HIF1AN: variants seen among roughly 807,000 people sequenced by gnomAD.
HIF1AN encodes hypoxia inducible factor 1 subunit alpha inhibitor.
Under a neutral mutation model 47.7 loss-of-function variants are expected in HIF1AN, and 21 were observed. The ratio of observed to expected loss-of-function variants is 0.44; its 90% CI spans 0.31 to 0.63. HIF1AN has a LOEUF of 0.63. HIF1AN is among the 30% of genes least tolerant of loss of function. The pLI, the probability that HIF1AN is intolerant of heterozygous loss-of-function variation, is 0.07. For missense variants in HIF1AN, 320 were observed against 432.7 expected (o/e 0.74, Z 2.31); for synonymous variants, 152 against 155.9 (o/e 0.98, Z 0.18).
intron 7 of HIF1AN, among the ~76,000 whole-genome samples, chr10:100,547,752 A>T (rs1843107770): frequency 6.6e-6 from 1 of 152,162 alleles, no homozygotes; most frequent in East Asian, 1.9e-4. Context: ...TTTTTTGAGG[A>T]TATGGAGGCA....
chr10:100,554,251 G>A lies in HIF1AN; in HGVS notation c.*6114G>A, dbSNP rs1843194790. 1 of 152,176 alleles carries A rather than the reference G, an allele frequency of 6.6e-6. No homozygotes were observed. Among genetic ancestry groups the A allele is most frequent in the African/African-American group, 2.4e-5 (1 of 41,424 alleles). 9.4% of individuals were successfully genotyped at this position (152,176 alleles called of 1,614,324 possible). On this transcript the variant is annotated 3_prime_UTR_variant, in exon 8 of 8. Transcript: ENST00000299163. ...ATGAGTCCTTATTATACCTGGAGAA[G>A]CTGTTGTCTCCTCACACCATGAAAT...
Position 100,548,502 on chromosome 10 carries a change from TC to T in HIF1AN, c.*368del, listed in dbSNP as rs1212442015. 1 of 191,660 alleles carries T rather than the reference TC, an allele frequency of 5.2e-6. No individual in the cohort carries two copies. The highest frequency in any genetic ancestry group is 5.5e-5 in the Admixed American group (1 of 18,060). The allele number at this position is 191,660 out of a possible 1,614,324, so 11.9% of individuals were successfully genotyped here. A position where few individuals can be genotyped will look rare whatever the true frequency, so the allele number is the denominator to read the frequency against. On this transcript the variant is annotated 3_prime_UTR_variant, in exon 8 of 8. Coordinates refer to ENST00000299163, the MANE Select transcript of HIF1AN (RefSeq NM_017902.3). The stretch of plus-strand genomic sequence containing the variant: ...CATGCACACGCATGTATGTATCTGT[TC>T]CCTGTTCCTTCTGGGTCAGGCTGTC...
In HIF1AN at chr10:100,550,303, C is replaced by A. The variant is rs1161563975; in HGVS notation, c.*2166C>A. On this transcript the variant is annotated 3_prime_UTR_variant, in exon 8 of 8. Transcript: ENST00000299163. ...GATTGGCCTTGATCCTTGGGTAACA[C>A]AAGAGTGATTCCTGATTTTTAGACA... 6.6e-6 allele frequency: 1 copy of A among 152,196 alleles called. No homozygotes were observed. The highest frequency in any genetic ancestry group is 1.5e-5 in the Non-Finnish European group (1 of 68,032). The allele number at this position is 152,196 out of a possible 1,614,324, so 9.4% of individuals were successfully genotyped here.
In HIF1AN at chr10:100,548,548, A is replaced by G. The variant is rs914862433; in HGVS notation, c.*411A>G. 2 of 163,898 alleles carry G rather than the reference A, an allele frequency of 1.2e-5. No homozygotes were observed. Among genetic ancestry groups the G allele is most frequent in the African/African-American group, 2.4e-5 (1 of 41,696 alleles). The allele number at this position is 163,898 out of a possible 1,614,324, so 10.2% of individuals were successfully genotyped here. On this transcript the variant is annotated 3_prime_UTR_variant, in exon 8 of 8. Coordinates refer to ENST00000299163, the MANE Select transcript of HIF1AN (RefSeq NM_017902.3). ...GCTGTCACTTCCGGCTCTCAGCCCT[A>G]TCTCCTGCAACCTCAGTGCCTCAGC...
chr10:100,536,525 C>T lies in HIF1AN; in HGVS notation c.292C>T (p.His98Tyr), dbSNP rs376069144. ...GDFSVYSAST[H>Y]KFLYYDEKKM... Reference sequence around the variant, plus strand: ...CTTCTCTGTGTACAGTGCCAGCACCCACAAGTTCTTGTACTATGATGAGAA... The same window carrying T: ...CTTCTCTGTGTACAGTGCCAGCACCTACAAGTTCTTGTACTATGATGAGAA... Residue 98 changes from histidine to tyrosine, a missense_variant, in exon 2 of 8, where the codon CAC becomes TAC. Physicochemically the swap from His to Tyr is moderately conservative, Grantham distance 83. Coordinates refer to ENST00000299163, the MANE Select transcript of HIF1AN (RefSeq NM_017902.3). 6.8e-6 allele frequency: 11 copies of T among 1,614,040 alleles called. No homozygotes were observed. Among genetic ancestry groups the T allele is most frequent in the African/African-American group, 1.3e-5 (1 of 74,912 alleles).
At position 100,557,005 on chromosome 10, in the gene HIF1AN, A is replaced by G. The variant is rs1843219731; in HGVS notation, c.*8868A>G. 6.6e-6 allele frequency: 1 copy of G among 152,250 alleles called. No homozygotes were observed. Among genetic ancestry groups the G allele is most frequent in the Non-Finnish European group, 1.5e-5 (1 of 68,078 alleles). The allele number at this position is 152,250 out of a possible 1,614,324, so 9.4% of individuals were successfully genotyped here. Reference sequence around the variant, plus strand: ...TGCTTGAAGTGAAATCACAGAAGAGATGACTGGGGCAGGAAAAGCAAGATG... The same window carrying G: ...TGCTTGAAGTGAAATCACAGAAGAGGTGACTGGGGCAGGAAAAGCAAGATG... On this transcript the variant is annotated 3_prime_UTR_variant, in exon 8 of 8. Coordinates refer to ENST00000299163, the MANE Select transcript of HIF1AN (RefSeq NM_017902.3).
intron 7 of HIF1AN, among the ~76,000 whole-genome samples, chr10:100,547,590 C>T (rs1332010560): frequency 2.0e-5 from 3 of 152,144 alleles, no homozygotes; most frequent in Non-Finnish European, 2.9e-5. Context: ...TGTTGAGAGA[C>T]CTGCTTCCCA....
rs1843162887 is a variant in HIF1AN at position 100,551,759 on chromosome 10, T to C, written c.*3622T>C. 1 of 152,218 alleles carries C rather than the reference T, an allele frequency of 6.6e-6. No homozygotes were observed. Among genetic ancestry groups the C allele is most frequent in the African/African-American group, 2.4e-5 (1 of 41,450 alleles). 9.4% of individuals were successfully genotyped at this position (152,218 alleles called of 1,614,324 possible). A position where few individuals can be genotyped will look rare whatever the true frequency, so the allele number is the denominator to read the frequency against. On this transcript the variant is annotated 3_prime_UTR_variant, in exon 8 of 8. Transcript: ENST00000299163. The stretch of plus-strand genomic sequence containing the variant: ...GGGCGTGAGGAAAATCTGGTCCTTA[T>C]CAAATCCCAGGAGCTTCTGCTTAGT...
rs138318882 is a variant in HIF1AN at position 100,544,393 on chromosome 10, G to A, written c.578-558G>A. 7.2e-5 allele frequency among the ~76,000 whole-genome samples: 11 copies of A among 152,258 alleles called. 1 individual carries two copies. The highest frequency in any genetic ancestry group is 2.4e-4 in the African/African-American group (10 of 41,540). On this transcript the variant is annotated intron_variant, in intron 3 of 7. Coordinates refer to ENST00000299163, the MANE Select transcript of HIF1AN (RefSeq NM_017902.3). The stretch of plus-strand genomic sequence containing the variant: ...GAAGTTGGAGACCAGCCTGGGCAAC[G>A]TGGTGAAACCCCATCTCTTAAAAAA...
Position 100,549,065 on chromosome 10 carries a change from C to CGT in HIF1AN, c.*943_*944dup, listed in dbSNP as rs769196012. ...CTGGGTGTGTGTGTGTGTGTGCGTG[C>CGT]GTGTGTGTGTGTGTGTCCGTGTGTG... On this transcript the variant is annotated 3_prime_UTR_variant, in exon 8 of 8. Transcript: ENST00000299163. 663 of 108,466 alleles carry CGT rather than the reference C, an allele frequency of 6.1e-3. 2 individuals carry two copies. The highest frequency in any genetic ancestry group is 0.01 in the Non-Finnish European group (480 of 45,876). 6.7% of individuals were successfully genotyped at this position (108,466 alleles called of 1,614,324 possible).
Position 100,536,003 on chromosome 10 carries a change from G to A in HIF1AN, c.45G>A (p.Glu15=). ...AGGCTGTGGCCTCTGGCTCTGGAGA[G>A]CCCCGGGAGGAGGCTGGAGCCCTCG... ...AAEAVASGSG[E]PREEAGALGP... Residue 15 remains glutamate (E), a synonymous_variant, in exon 1 of 8, where the codon GAG becomes GAA. Coordinates refer to ENST00000299163, the MANE Select transcript of HIF1AN (RefSeq NM_017902.3). 1.3e-6 allele frequency: 2 copies of A among 1,569,824 alleles called. No individual in the cohort carries two copies. The highest frequency in any genetic ancestry group is 1.4e-5 in the African/African-American group (1 of 73,752).
At chr10:100,545,901 T>G in intron 4 of HIF1AN, 42 bp from the exon 5 acceptor site, 1 of 1,335,720 alleles carries the variant, frequency 7.5e-7, no homozygotes, top group Non-Finnish European at 1.1e-6. Flanking sequence ...CTGGTGAAGA[T>G]TTGGTGATTG....
At position 100,542,857 on chromosome 10, in the gene HIF1AN, T is replaced by TG. The variant is rs1370301335; in HGVS notation, c.577+2075_577+2076insG. Among the ~76,000 whole-genome samples the TG allele has an allele frequency of 3.0e-4, 44 of 149,038 alleles. 1 individual carries two copies. Among genetic ancestry groups the TG allele is most frequent in the Admixed American group, 1.0e-3 (15 of 14,976 alleles). The stretch of plus-strand genomic sequence containing the variant: ...AAATATGTGAATGTGTTTTTTTTTT[T>TG]TTTTTTTTTTTTCTTTTGAATGAAA... On this transcript the variant is annotated intron_variant, in intron 3 of 7. Transcript: ENST00000299163.
chr10:100,540,897 C>T lies in HIF1AN; in HGVS notation c.577+115C>T. On this transcript the variant is annotated intron_variant, in intron 3 of 7. Coordinates refer to ENST00000299163, the MANE Select transcript of HIF1AN (RefSeq NM_017902.3). ...GAACAAGCCACTTCACTTTCTTAAG[C>T]CTCAGCCTACTCAGCTCTAAAAGAA... 4 of 930,252 alleles carry T rather than the reference C, an allele frequency of 4.3e-6. No homozygotes were observed. In the South Asian group the frequency reaches 5.5e-5, roughly 13 times the overall value. The allele number at this position is 930,252 out of a possible 1,614,324, so 57.6% of individuals were successfully genotyped here.
At chr10:100,547,552 C>T (rs778480024) in intron 7 of HIF1AN, among the ~76,000 whole-genome samples, 2 of 152,116 alleles carry the variant, frequency 1.3e-5, no homozygotes, top group Non-Finnish European at 2.9e-5. Flanking sequence ...TTGCACTTTC[C>T]CAGCTGTGCC....
chr10:100,536,535 T>C lies in HIF1AN; in HGVS notation c.302T>C (p.Leu101Ser). Residue 101 changes from leucine (L) to serine (S), a missense_variant, in exon 2 of 8, where the codon TTG becomes TCG. By Grantham distance (145) the Leu-to-Ser change is moderately radical. Around this residue, in one of 2 missense-constraint regions of HIF1AN, gnomAD observed 159 missense variants for 159.9 expected, o/e 0.99. Coordinates refer to ENST00000299163, the MANE Select transcript of HIF1AN (RefSeq NM_017902.3). ...SVYSASTHKF[L>S]YYDEKKMANF... ...TACAGTGCCAGCACCCACAAGTTCT[T>C]GTACTATGATGAGAAGAAGATGGCC... 1 of 1,614,172 alleles carries C rather than the reference T, an allele frequency of 6.2e-7. No homozygotes were observed. The highest frequency in any genetic ancestry group is 8.5e-7 in the Non-Finnish European group (1 of 1,180,042).
chr10:100,536,071 C>A lies in HIF1AN; in HGVS notation c.113C>A (p.Pro38Gln). The change falls in exon 1 of 8, where the codon CCG becomes CAG. Residue 38 changes from proline (P) to glutamine (Q), a missense_variant. Physicochemically the swap from Pro to Gln is moderately conservative, Grantham distance 76. This residue lies in a region of HIF1AN where 159 missense variants were observed against 159.9 expected (regional missense o/e 0.99). Transcript: ENST00000299163. The stretch of plus-strand genomic sequence containing the variant: ...TCCCAGTTGCGCAGTTATAGCTTCC[C>A]GACTAGGCCCATTCCGCGTCTGAGT... ...DESQLRSYSF[P>Q]TRPIPRLSQS... 1 of 1,612,524 alleles carries A rather than the reference C, an allele frequency of 6.2e-7. No homozygotes were observed. The highest frequency in any genetic ancestry group is 8.5e-7 in the Non-Finnish European group (1 of 1,179,524).
In HIF1AN at chr10:100,548,232, C is replaced by T. The variant is rs892987362; in HGVS notation, c.*95C>T. 32 of 1,083,982 alleles carry T rather than the reference C, an allele frequency of 3.0e-5. No homozygotes were observed. Among genetic ancestry groups the T allele is most frequent in the East Asian group, 7.9e-5 (3 of 38,080 alleles). The allele number at this position is 1,083,982 out of a possible 1,614,324, so 67.1% of individuals were successfully genotyped here. On this transcript the variant is annotated 3_prime_UTR_variant, in exon 8 of 8. Transcript: ENST00000299163. ...GGAGACTCCAAGCGCTAGTATTGCA[C>T]GCTGCACTTAATGGACTGGACTCTT...
At chr10:100,546,878 T>C (rs1232769500) in intron 6 of HIF1AN, among the ~76,000 whole-genome samples, 1 of 152,134 alleles carries the variant, frequency 6.6e-6, no homozygotes, top group Non-Finnish European at 1.5e-5. Context: ...TAGTTGGGAT[T>C]ATAGGCACAC....
Sources: gnomAD v4.1 joint callset for allele counts (sites outside exome capture counted in the v4.1 genomes callset) on GRCh38, gnomAD v4.1.1 for gene constraint, gnomAD v4.1.1 regional missense constraint, MANE v1.5 for transcripts, NCBI Gene and HGNC (gene_info 2026-07-23, HGNC 2026-07-21) for gene names.